Variants in ZMYM2 observed in about 807,000 individuals in gnomAD.
ZMYM2 encodes zinc finger MYM-type containing 2, also known as zinc finger MYM-type protein 2.
Under a neutral mutation model 162.8 loss-of-function variants are expected in ZMYM2, and 56 were observed. The ratio of observed to expected loss-of-function variants is 0.34; its 90% CI spans 0.28 to 0.43. ZMYM2 has a LOEUF of 0.43. Ranked by LOEUF, ZMYM2 falls within the 20% of genes least tolerant of loss-of-function variation. ZMYM2 has a pLI of 1.00. For synonymous variants in ZMYM2, 510 were observed against 541.6 expected, an observed-to-expected ratio of 0.94 and a Z score of 0.81; for missense variants, 1,275 against 1,621.8, an observed-to-expected ratio of 0.79 and a Z score of 3.67.
intron 2 of ZMYM2, among the ~76,000 whole-genome samples, chr13:19,986,382 AG>A (rs1208282775): frequency 1.3e-5 from 2 of 151,812 alleles, no homozygotes; most frequent in South Asian, 2.1e-4. Flanking sequence ...AAAAAAAAAA[AG>A]AAGGGTGATT....
chr13:19,941,365 C>T, the ZMYM2 span, among the ~76,000 whole-genome samples: 2,066 of 151,118 alleles, frequency 0.014, 41 homozygotes, highest in South Asian at 0.045. Context: ...AAACTTTAGG[C>T]GAAATAAAGT....
intron 2 of ZMYM2, among the ~76,000 whole-genome samples, chr13:19,987,542 C>T (rs538121228): frequency 2.2e-4 from 33 of 151,036 alleles, no homozygotes; most frequent in South Asian, 1.5e-3. Context: ...GGATTACAGG[C>T]GTGAGGCACC....
At chr13:20,079,351 TAATG>T (rs1957757114) in intron 21 of ZMYM2, among the ~76,000 whole-genome samples, 1 of 126,364 alleles carries the variant, frequency 7.9e-6, no homozygotes, top group African/African-American at 2.9e-5. Flanking sequence ...AAAGGATACT[TAATG>T]AATTCAAATC....
At chr13:20,043,761 G>C (rs932858095) in intron 12 of ZMYM2, among the ~76,000 whole-genome samples, 1 of 152,096 alleles carries the variant, frequency 6.6e-6, no homozygotes, top group Non-Finnish European at 1.5e-5. Flanking sequence ...ACACACACAC[G>C]TGGGTGCTGG....
chr13:19,913,464 C>T, the ZMYM2 span, among the ~76,000 whole-genome samples: 19 of 152,062 alleles, frequency 1.2e-4, no homozygotes, highest in Non-Finnish European at 2.1e-4. Context: ...GTGGCTCACA[C>T]GTGTAATCCC....
intron 2 of ZMYM2, among the ~76,000 whole-genome samples, chr13:19,992,721 A>G (rs1041773826): frequency 6.7e-6 from 1 of 150,128 alleles, no homozygotes; most frequent in Non-Finnish European, 1.5e-5. Flanking sequence ...ATTTATCCAT[A>G]TTTTTAGTGA....
intron 2 of ZMYM2, among the ~76,000 whole-genome samples, chr13:19,988,943 T>C (rs930126670): frequency 2.0e-5 from 3 of 152,176 alleles, no homozygotes; most frequent in African/African-American, 7.2e-5. Flanking sequence ...AGATGACTCC[T>C]TTTCCTTCCT....
At chr13:19,928,480 A>G in the ZMYM2 span, among the ~76,000 whole-genome samples, 2 of 152,096 alleles carry the variant, frequency 1.3e-5, no homozygotes. Context: ...TTCTATCGTT[A>G]TCATTCTTTG....
At chr13:19,900,369 C>T in the ZMYM2 span, among the ~76,000 whole-genome samples, 2 of 152,114 alleles carry the variant, frequency 1.3e-5, no homozygotes, top group Non-Finnish European at 2.9e-5. Context: ...ACTAGAAACA[C>T]TTAACCTACC....
intron 21 of ZMYM2, among the ~76,000 whole-genome samples, chr13:20,078,625 G>T (rs958284458): frequency 1.3e-5 from 2 of 152,112 alleles, no homozygotes; most frequent in East Asian, 1.9e-4. Context: ...ATCTGTCAAC[G>T]TGCTGCTTTG....
chr13:20,013,299 G>T (rs1384483919), intron 6 of ZMYM2, among the ~76,000 whole-genome samples: 1 of 152,070 alleles, frequency 6.6e-6, no homozygotes, highest in Non-Finnish European at 1.5e-5. Flanking sequence ...TTTGTACATT[G>T]ATCATGTACT....
At position 19,993,260 on chromosome 13, in the gene ZMYM2, T is replaced by C; in HGVS notation, c.188T>C (p.Ile63Thr). ...GAAGATGATGATGATGTTGTTTTTA[T>C]CGAACCTGTACAACCTCCCCCACCT... ...SVEDDDDVVFIEPVQPPPPSV... is the reference protein window; with the variant it reads ...SVEDDDDVVFTEPVQPPPPSV... The change falls in exon 3 of 25, where the codon ATC (isoleucine) becomes ACC (threonine). Residue 63 changes from isoleucine to threonine, a missense_variant. Around this residue, in one of 10 missense-constraint regions of ZMYM2, gnomAD observed 295 missense variants for 286.7 expected, o/e 1.03. Coordinates refer to ENST00000610343, the MANE Select transcript of ZMYM2 (RefSeq NM_197968.4). 1 of 1,614,000 alleles carries C rather than the reference T, an allele frequency of 6.2e-7. No homozygotes were observed. The highest frequency in any genetic ancestry group is 8.5e-7 in the Non-Finnish European group (1 of 1,179,894).
At chr13:19,928,580 T>G in the ZMYM2 span, among the ~76,000 whole-genome samples, 1 of 152,114 alleles carries the variant, frequency 6.6e-6, no homozygotes, top group Non-Finnish European at 1.5e-5. Flanking sequence ...GTGGATCACC[T>G]GGGGTCCCAA....
the ZMYM2 span, among the ~76,000 whole-genome samples, chr13:19,908,604 A>G: frequency 6.6e-6 from 1 of 151,788 alleles, no homozygotes; most frequent in South Asian, 2.2e-4. Flanking sequence ...GTATTACCTA[A>G]TAGTTGCTGA....
intron 2 of ZMYM2, among the ~76,000 whole-genome samples, chr13:19,967,915 T>G (rs1023132124): frequency 6.6e-6 from 1 of 152,226 alleles, no homozygotes; most frequent in Admixed American, 6.5e-5. Flanking sequence ...TAGAAGAATT[T>G]CTATGTTTCT....
At chr13:19,917,196 T>A in the ZMYM2 span, among the ~76,000 whole-genome samples, 1 of 151,966 alleles carries the variant, frequency 6.6e-6, no homozygotes, top group Non-Finnish European at 1.5e-5. Context: ...TCTCCTGACC[T>A]CGTGATCCGC....
chr13:20,001,075 C>T (rs1175521169), intron 3 of ZMYM2, among the ~76,000 whole-genome samples: 3 of 152,074 alleles, frequency 2.0e-5, no homozygotes, highest in African/African-American at 7.2e-5. Context: ...GTGGAAATAG[C>T]ATGAGAACTA....
intron 24 of ZMYM2, among the ~76,000 whole-genome samples, chr13:20,084,717 C>T (rs1474108860): frequency 1.3e-5 from 2 of 152,128 alleles, no homozygotes; most frequent in Non-Finnish European, 2.9e-5. Flanking sequence ...GCCAATAAAA[C>T]GTTTAGAGAC....
chr13:19,935,583 T>C, the ZMYM2 span, among the ~76,000 whole-genome samples: 4 of 152,178 alleles, frequency 2.6e-5, no homozygotes, highest in Non-Finnish European at 4.4e-5. Context: ...TGTTTGTTTG[T>C]TTTTTGGATA....
Sources: gnomAD v4.1 joint callset for allele counts (sites outside exome capture counted in the v4.1 genomes callset) on GRCh38, gnomAD v4.1.1 for gene constraint, gnomAD v4.1.1 regional missense constraint, MANE v1.5 for transcripts, NCBI Gene and HGNC (gene_info 2026-07-23, HGNC 2026-07-21) for gene names.